The following GJD3 variants were observed in gnomAD, a reference collection of about 807,000 sequenced individuals.
GJD3 encodes gap junction delta-3 protein.
For missense variants in GJD3, 421 were observed against 448.5 expected, an observed-to-expected ratio of 0.94 and a Z score of 0.55; for synonymous variants, 217 against 226.7, an observed-to-expected ratio of 0.96 and a Z score of 0.38.
At position 40,362,150 on chromosome 17, in the gene GJD3, T is replaced by TCA. The variant is rs1407044321; in HGVS notation, c.*779_*780dup. 6.6e-6 allele frequency among the ~76,000 whole-genome samples: 1 copy of TCA among 151,972 alleles called. No homozygotes were observed. Among genetic ancestry groups the TCA allele is most frequent in the African/African-American group, 2.4e-5 (1 of 41,338 alleles). Reference sequence around the variant, plus strand: ...CCACCCCCGCAGTGCATATCAGAGATCACACACACACGCGTGCACACACAG... The same window carrying TCA: ...CCACCCCCGCAGTGCATATCAGAGATCACACACACACACGCGTGCACACACAG... On this transcript the variant is annotated 3_prime_UTR_variant, in exon 1 of 1. Transcript: ENST00000578689.
rs1056940662 is a variant in GJD3 at position 40,361,266 on chromosome 17, G to C, written c.*1665C>G. The C allele has an allele frequency of 6.0e-6, 2 of 331,546 alleles. No individual in the cohort carries two copies. The highest frequency in any genetic ancestry group is 2.1e-4 in the East Asian group (2 of 9,646). The allele number at this position is 331,546 out of a possible 1,614,324, so 20.5% of individuals were successfully genotyped here. On this transcript the variant is annotated 3_prime_UTR_variant, in exon 1 of 1. Coordinates refer to ENST00000578689, the MANE Select transcript of GJD3 (RefSeq NM_152219.4). ...CTTGTTAGAAGAGAAAATTCCCTATGGTTCTGAGCACACCTGGAAGCCGGT... is the reference window on the plus strand; with the variant it reads ...CTTGTTAGAAGAGAAAATTCCCTATCGTTCTGAGCACACCTGGAAGCCGGT...
Position 40,363,524 on chromosome 17 carries a change from G to T in GJD3, c.292C>A (p.His98Asn). The change falls in exon 1 of 1, where the codon CAC becomes AAC. Residue 98 changes from histidine (H) to asparagine (N), a missense_variant. Physicochemically the swap from His to Asn is moderately conservative, Grantham distance 68. Transcript: ENST00000578689. The surrounding 1 kb of genome is among the most constrained non-coding windows in gnomAD (Gnocchi z 5.5). ...CCGCCCGCCTCCTTGCCTGCCCGGT[G>T]CATGGAGTAGACGACGAACAGCACC... ...PPVLFVVYSM[H>N]RAGKEAGGAE... 2 of 1,561,148 alleles carry T rather than the reference G, an allele frequency of 1.3e-6. No individual in the cohort carries two copies. Among genetic ancestry groups the T allele is most frequent in the Non-Finnish European group, 8.7e-7 (1 of 1,153,862 alleles).
In GJD3 at chr17:40,363,414, GCGGCGCGCGCGGCGGGCGCGCAGGGCGCA is replaced by G. The variant is rs2034771387; in HGVS notation, c.373_401del (p.Cys125LeufsTer90). 7 of 1,313,054 alleles carry G rather than the reference GCGGCGCGCGCGGCGGGCGCGCAGGGCGCA, an allele frequency of 5.3e-6. No homozygotes were observed. The highest frequency in any genetic ancestry group is 3.1e-5 in the East Asian group (1 of 31,880). 81.3% of individuals were successfully genotyped at this position (1,313,054 alleles called of 1,614,324 possible). A position where few individuals can be genotyped will look rare whatever the true frequency, so the allele number is the denominator to read the frequency against. On this transcript the variant is annotated frameshift_variant, in exon 1 of 1. Coordinates refer to ENST00000578689, the MANE Select transcript of GJD3 (RefSeq NM_152219.4). LOFTEE classifies it low-confidence loss of function (END_TRUNC). The surrounding 1 kb of genome is among the most constrained non-coding windows in gnomAD (Gnocchi z 5.5). The stretch of plus-strand genomic sequence containing the variant: ...GCAGCGCCACGCTCAGCAGGTAGCA[GCGGCGCGCGCGGCGGGCGCGCAGGGCGCA>G]CGGCGCGCACTGGGCCTCGGGCAGT...
Position 40,360,912 on chromosome 17 carries a change from C to A in GJD3, c.*2019G>T. ...TGCCCACCATAGCATGGATAGTGTT[C>A]GGGCATGGCAGTGGTGTAGGCCTGG... On this transcript the variant is annotated 3_prime_UTR_variant, in exon 1 of 1. Coordinates refer to ENST00000578689, the MANE Select transcript of GJD3 (RefSeq NM_152219.4). 2.3e-6 allele frequency: 1 copy of A among 436,130 alleles called. No homozygotes were observed. 27.0% of individuals were successfully genotyped at this position (436,130 alleles called of 1,614,324 possible).
rs567452990 is a variant in GJD3, at chr17:40,363,294, C to G, written c.522G>C (p.Pro174=). 0.021 allele frequency: 29,109 copies of G among 1,404,810 alleles called. 349 individuals carry two copies. The highest frequency in any genetic ancestry group is 0.024 in the Non-Finnish European group (25,904 of 1,073,876). The allele number at this position is 1,404,810 out of a possible 1,614,324, so 87.0% of individuals were successfully genotyped here. A position where few individuals can be genotyped will look rare whatever the true frequency, so the allele number is the denominator to read the frequency against. The part of the protein sequence containing the change: ...PHFACAGPPC[P]HTVDCFVSRP... Reference sequence around the variant, plus strand: ...GGCTCACGAAGCAGTCGACCGTGTGCGGGCAGGGCGGACCGGCGCACGCGA... The same window carrying G: ...GGCTCACGAAGCAGTCGACCGTGTGGGGGCAGGGCGGACCGGCGCACGCGA... Residue 174 remains proline (P), a synonymous_variant, in exon 1 of 1, where the codon CCG becomes CCC. Transcript: ENST00000578689. The surrounding 1 kb of genome is among the most constrained non-coding windows in gnomAD (Gnocchi z 5.5).
rs1159188207 is a variant in GJD3, at chr17:40,363,617, C to T, written c.199G>A (p.Asp67Asn). Residue 67 changes from aspartate (D) to asparagine (N), a missense_variant, in exon 1 of 1, where the codon GAC becomes AAC. Transcript: ENST00000578689. The surrounding 1 kb of genome is among the most constrained non-coding windows in gnomAD (Gnocchi z 5.5). Reference sequence around the variant, plus strand: ...TAGTGGGAGACCGGGAAGGCGCGGTCGTAGCAGGTCTGGCGACAGCCCGGC... The same window carrying T: ...TAGTGGGAGACCGGGAAGGCGCGGTTGTAGCAGGTCTGGCGACAGCCCGGC... Reference protein sequence around the residue: ...LQPGCRQTCYDRAFPVSHYRF... With the variant: ...LQPGCRQTCYNRAFPVSHYRF... The T allele has an allele frequency of 6.2e-7, 1 of 1,603,410 alleles. No homozygotes were observed. The highest frequency in any genetic ancestry group is 8.5e-7 in the Non-Finnish European group (1 of 1,175,720).
rs569062633 is a variant in GJD3 at position 40,361,410 on chromosome 17, A to C, written c.*1521T>G. On this transcript the variant is annotated 3_prime_UTR_variant, in exon 1 of 1. Transcript: ENST00000578689. ...GTCCCGGGTTTAAGTGGGGGGCGCTATTCAGAAACACCTCCCACTGCTGTG... is the reference window on the plus strand; with the variant it reads ...GTCCCGGGTTTAAGTGGGGGGCGCTCTTCAGAAACACCTCCCACTGCTGTG... Among the ~76,000 whole-genome samples the C allele has an allele frequency of 2.0e-5, 3 of 152,286 alleles. No homozygotes were observed. The highest frequency in any genetic ancestry group is 4.4e-5 in the Non-Finnish European group (3 of 68,022).
rs536577046 is a variant in GJD3, at chr17:40,364,187, C to T, written c.-372G>A. 5 of 204,788 alleles carry T rather than the reference C, an allele frequency of 2.4e-5. No homozygotes were observed. The South Asian group carries it at 5.4e-4, about 22-fold the overall frequency. The allele number at this position is 204,788 out of a possible 1,614,324, so 12.7% of individuals were successfully genotyped here. ...GACCAGCCCCTGACTTGCCTGGTTT[C>T]GGAAGCGGAAACCCAGCGGTGCCCT... On this transcript the variant is annotated 5_prime_UTR_variant, in exon 1 of 1. Transcript: ENST00000578689.
Position 40,363,123 on chromosome 17 carries a change from G to T in GJD3, c.693C>A (p.His231Gln). Residue 231 changes from histidine to glutamine, a missense_variant, in exon 1 of 1, where the codon CAC becomes CAA. His to Gln is a conservative substitution (Grantham distance 24). Coordinates refer to ENST00000578689, the MANE Select transcript of GJD3 (RefSeq NM_152219.4). This position sits in a 1 kb window ranked among gnomAD's most constrained non-coding sequence, Gnocchi z 5.5. ...GCGGGAGCAGCTTCTGCGCCTCTTC[G>T]TGTGCACGGTTGCAGCGGTTGTCAC... ...GERDNRCNRA[H>Q]EEAQKLLPPP... 7.4e-7 allele frequency: 1 copy of T among 1,348,434 alleles called. No individual in the cohort carries two copies. The highest frequency in any genetic ancestry group is 1.7e-5 in the South Asian group (1 of 57,454). The allele number at this position is 1,348,434 out of a possible 1,614,324, so 83.5% of individuals were successfully genotyped here. A position where few individuals can be genotyped will look rare whatever the true frequency, so the allele number is the denominator to read the frequency against.
Position 40,363,414 on chromosome 17 carries a change from G to C in GJD3, c.402C>G (p.Arg134=), listed in dbSNP as rs1328299952. ...GCAGCGCCACGCTCAGCAGGTAGCA[G>C]CGGCGCGCGCGGCGGGCGCGCAGGG... The part of the protein sequence containing the change: ...PCALRARRAR[R]CYLLSVALRL... Residue 134 remains arginine (R), a synonymous_variant, in exon 1 of 1, where the codon CGC becomes CGG. Coordinates refer to ENST00000578689, the MANE Select transcript of GJD3 (RefSeq NM_152219.4). This position sits in a 1 kb window ranked among gnomAD's most constrained non-coding sequence, Gnocchi z 5.5. 2 of 1,312,946 alleles carry C rather than the reference G, an allele frequency of 1.5e-6. No individual in the cohort carries two copies. The highest frequency in any genetic ancestry group is 4.2e-5 in the Admixed American group (1 of 24,030). The allele number at this position is 1,312,946 out of a possible 1,614,324, so 81.3% of individuals were successfully genotyped here.
chr17:40,363,349 A>G lies in GJD3; in HGVS notation c.467T>C (p.Leu156Pro), dbSNP rs1598597531. Residue 156 changes from leucine (L) to proline (P), a missense_variant, in exon 1 of 1, where the codon CTG becomes CCG. Coordinates refer to ENST00000578689, the MANE Select transcript of GJD3 (RefSeq NM_152219.4). This position sits in a 1 kb window ranked among gnomAD's most constrained non-coding sequence, Gnocchi z 5.5. ...CGGGGCCACGCGGAAGCCGTAGAGC[A>G]GCGCCTGGCCGCCCAGGAAGGTCAG... The part of the protein sequence containing the change: ...AELTFLGGQA[L>P]LYGFRVAPHF... The G allele has an allele frequency of 1.4e-6, 2 of 1,412,540 alleles. No individual in the cohort carries two copies. Among genetic ancestry groups the G allele is most frequent in the Non-Finnish European group, 1.9e-6 (2 of 1,081,002 alleles). The allele number at this position is 1,412,540 out of a possible 1,614,324, so 87.5% of individuals were successfully genotyped here.
chr17:40,361,251 G>A lies in GJD3; in HGVS notation c.*1680C>T. ...CAAGCAGGTCTGGTGCTTGTTAGAA[G>A]AGAAAATTCCCTATGGTTCTGAGCA... On this transcript the variant is annotated 3_prime_UTR_variant, in exon 1 of 1. Transcript: ENST00000578689. 2.9e-6 allele frequency: 1 copy of A among 339,668 alleles called. No individual in the cohort carries two copies. The highest frequency in any genetic ancestry group is 2.1e-5 in the South Asian group (1 of 46,940). The allele number at this position is 339,668 out of a possible 1,614,324, so 21.0% of individuals were successfully genotyped here.
At position 40,363,521 on chromosome 17, in the gene GJD3, G is replaced by C; in HGVS notation, c.295C>G (p.Arg99Gly). 6.4e-7 allele frequency: 1 copy of C among 1,558,994 alleles called. No homozygotes were observed. The highest frequency in any genetic ancestry group is 8.7e-7 in the Non-Finnish European group (1 of 1,152,678). Reference protein sequence around the residue: ...PVLFVVYSMHRAGKEAGGAEA... With the variant: ...PVLFVVYSMHGAGKEAGGAEA... ...GCGCCGCCCGCCTCCTTGCCTGCCC[G>C]GTGCATGGAGTAGACGACGAACAGC... Residue 99 changes from arginine to glycine, a missense_variant, in exon 1 of 1, where the codon CGG becomes GGG. Physicochemically the swap from Arg to Gly is moderately radical, Grantham distance 125. Transcript: ENST00000578689. This position sits in a 1 kb window ranked among gnomAD's most constrained non-coding sequence, Gnocchi z 5.5.
Position 40,363,316 on chromosome 17 carries a change from G to T in GJD3, c.500C>A (p.Ala167Glu). The change falls in exon 1 of 1, where the codon GCG (alanine) becomes GAG (glutamate). Residue 167 changes from alanine to glutamate, a missense_variant. Physicochemically the swap from Ala to Glu is moderately radical, Grantham distance 107. Transcript: ENST00000578689. The surrounding 1 kb of genome is among the most constrained non-coding windows in gnomAD (Gnocchi z 5.5). Reference sequence around the variant, plus strand: ...GTGCGGGCAGGGCGGACCGGCGCACGCGAAGTGCGGGGCCACGCGGAAGCC... The same window carrying T: ...GTGCGGGCAGGGCGGACCGGCGCACTCGAAGTGCGGGGCCACGCGGAAGCC... ...LYGFRVAPHF[A>E]CAGPPCPHTV... The T allele has an allele frequency of 7.1e-7, 1 of 1,407,772 alleles. No individual in the cohort carries two copies. The highest frequency in any genetic ancestry group is 9.3e-7 in the Non-Finnish European group (1 of 1,077,224). 87.2% of individuals were successfully genotyped at this position (1,407,772 alleles called of 1,614,324 possible).
In GJD3 at chr17:40,362,166, GCA is replaced by G. The variant is rs1002571863; in HGVS notation, c.*763_*764del. ...TATCAGAGATCACACACACACGCGTGCACACACAGAGGTCACGCCGGATGTAC... is the reference window on the plus strand; with the variant it reads ...TATCAGAGATCACACACACACGCGTGCACACAGAGGTCACGCCGGATGTAC... On this transcript the variant is annotated 3_prime_UTR_variant, in exon 1 of 1. Coordinates refer to ENST00000578689, the MANE Select transcript of GJD3 (RefSeq NM_152219.4). 5.3e-5 allele frequency among the ~76,000 whole-genome samples: 8 copies of G among 152,158 alleles called. No homozygotes were observed. Among genetic ancestry groups the G allele is most frequent in the Non-Finnish European group, 7.4e-5 (5 of 68,002 alleles).
Position 40,361,041 on chromosome 17 carries a change from C to T in GJD3, c.*1890G>A, listed in dbSNP as rs761776050. ...TCCTGCAGGAGAAGTGCTTTCCCTACGGAAGCGAGGGGCATCCAGCTCTGT... is the reference window on the plus strand; with the variant it reads ...TCCTGCAGGAGAAGTGCTTTCCCTATGGAAGCGAGGGGCATCCAGCTCTGT... On this transcript the variant is annotated 3_prime_UTR_variant, in exon 1 of 1. Transcript: ENST00000578689. 84 of 456,458 alleles carry T rather than the reference C, an allele frequency of 1.8e-4. No homozygotes were observed. The highest frequency in any genetic ancestry group is 3.3e-4 in the Non-Finnish European group (74 of 226,850). The allele number at this position is 456,458 out of a possible 1,614,324, so 28.3% of individuals were successfully genotyped here.
rs2034780115 is a variant in GJD3 at position 40,364,097 on chromosome 17, G to A, written c.-282C>T. 2.6e-6 allele frequency: 1 copy of A among 383,300 alleles called. No individual in the cohort carries two copies. Among genetic ancestry groups the A allele is most frequent in the Non-Finnish European group, 5.0e-6 (1 of 200,610 alleles). The allele number at this position is 383,300 out of a possible 1,614,324, so 23.7% of individuals were successfully genotyped here. ...GCATTTTAGCCGCACCCCCTGAGCC[G>A]TCTCCGTTCGACCCTGGGATCCTCC... On this transcript the variant is annotated 5_prime_UTR_variant, in exon 1 of 1. In the 5' UTR this introduces an upstream ATG that the reference lacks. Coordinates refer to ENST00000578689, the MANE Select transcript of GJD3 (RefSeq NM_152219.4).
In GJD3 at chr17:40,363,013, GGGTGCGCATAGGCCGGCGGGGCGCAC is replaced by G; in HGVS notation, c.777_802del (p.Cys260GlyfsTer122). 1 of 1,210,420 alleles carries G rather than the reference GGGTGCGCATAGGCCGGCGGGGCGCAC, an allele frequency of 8.3e-7. No individual in the cohort carries two copies. The highest frequency in any genetic ancestry group is 1.0e-6 in the Non-Finnish European group (1 of 975,102). The allele number at this position is 1,210,420 out of a possible 1,614,324, so 75.0% of individuals were successfully genotyped here. On this transcript the variant is annotated frameshift_variant, in exon 1 of 1. Transcript: ENST00000578689. LOFTEE classifies it low-confidence loss of function (END_TRUNC). The surrounding 1 kb of genome is among the most constrained non-coding windows in gnomAD (Gnocchi z 5.5). ...GCACTCGCGGAGGCTGGCCGGCGCC[GGGTGCGCATAGGCCGGCGGGGCGCAC>G]GGCTCGGGGCCGGGGCGCCGGGAGG...
chr17:40,363,018 C>A lies in GJD3; in HGVS notation c.798G>T (p.Ala266=). Residue 266 remains alanine (A), a synonymous_variant, in exon 1 of 1, where the codon GCG becomes GCT. Coordinates refer to ENST00000578689, the MANE Select transcript of GJD3 (RefSeq NM_152219.4). The surrounding 1 kb of genome is among the most constrained non-coding windows in gnomAD (Gnocchi z 5.5). ...CGCGGAGGCTGGCCGGCGCCGGGTG[C>A]GCATAGGCCGGCGGGGCGCACGGCT... ...GPEPCAPPAY[A]HPAPASLREC... is the part of the protein sequence containing the mutation. 1 of 1,207,230 alleles carries A rather than the reference C, an allele frequency of 8.3e-7. No individual in the cohort carries two copies. The highest frequency in any genetic ancestry group is 1.0e-6 in the Non-Finnish European group (1 of 972,724). The allele number at this position is 1,207,230 out of a possible 1,614,324, so 74.8% of individuals were successfully genotyped here. A position where few individuals can be genotyped will look rare whatever the true frequency, so the allele number is the denominator to read the frequency against.
Sources: gnomAD v4.1 joint callset for allele counts (sites outside exome capture counted in the v4.1 genomes callset) on GRCh38, gnomAD v4.1.1 for gene constraint, Gnocchi (gnomAD v3.1) non-coding constraint, MANE v1.5 for transcripts, NCBI Gene and HGNC (gene_info 2026-07-23, HGNC 2026-07-21) for gene names.